Variants in PCNX2 observed in about 807,000 individuals in gnomAD.
PCNX2 encodes pecanex-like protein 2.
A neutral mutation model predicts 223.8 loss-of-function variants in PCNX2; 168 were observed. That is an observed-to-expected ratio of 0.75 (90% CI 0.66 to 0.85). The LOEUF is 0.85. Among genes scored for constraint, PCNX2 ranks in the 40% least tolerant of loss-of-function variants. PCNX2 has a pLI of 0.00. For missense variants in PCNX2, 2,507 were observed against 2,675.5 expected, an observed-to-expected ratio of 0.94 and a Z score of 1.39; for synonymous variants, 1,006 against 1,052.6, an observed-to-expected ratio of 0.96 and a Z score of 0.86.
chr1:233,057,578 C>A (rs1271355805), intron 23 of PCNX2: 2 of 320,588 alleles, frequency 6.2e-6, no homozygotes, highest in East Asian at 6.0e-5. Flanking sequence ...AAAATCAAAG[C>A]AAGTATTTAG....
intron 21 of PCNX2, among the ~76,000 whole-genome samples, chr1:233,102,342 G>C (rs973523626): frequency 2.0e-5 from 3 of 152,062 alleles, no homozygotes; most frequent in African/African-American, 7.2e-5. Context: ...CATAAACATG[G>C]GGGCACAGAT....
At chr1:233,022,695 CTTTTT>C (rs372153367) in intron 26 of PCNX2, among the ~76,000 whole-genome samples, 19,374 of 128,708 alleles carry the variant, frequency 0.15, 1,437 homozygotes, top group African/African-American at 0.2. Context: ...CTTTTTCTTT[CTTTTT>C]TTTTTTTTTT....
At chr1:233,006,559 C>A (rs1239659909) in intron 28 of PCNX2, among the ~76,000 whole-genome samples, 2 of 152,140 alleles carry the variant, frequency 1.3e-5, no homozygotes, top group Non-Finnish European at 1.5e-5. Context: ...GACAGAGTAG[C>A]AGTGGAGGAG....
chr1:233,155,911 T>C (rs1678092687), intron 19 of PCNX2, among the ~76,000 whole-genome samples: 1 of 152,186 alleles, frequency 6.6e-6, no homozygotes, highest in Admixed American at 6.5e-5. Flanking sequence ...GCTAGAATAA[T>C]ATGCAGTTGC....
intron 23 of PCNX2, among the ~76,000 whole-genome samples, chr1:233,061,960 T>C (rs952093321): frequency 1.3e-5 from 2 of 152,126 alleles, no homozygotes; most frequent in Non-Finnish European, 2.9e-5. Context: ...GGTTTCACCA[T>C]GTTGGCCAGG....
At chr1:233,207,425 T>G (rs531889902) in intron 13 of PCNX2, among the ~76,000 whole-genome samples, 1 of 152,246 alleles carries the variant, frequency 6.6e-6, no homozygotes, top group Admixed American at 6.5e-5. Flanking sequence ...AGCTGGTCAA[T>G]GTGATCACAG....
intron 3 of PCNX2, 81 bp downstream of exon 3, chr1:233,261,961 CACT>C: frequency 6.4e-7 from 1 of 1,564,408 alleles, no homozygotes; most frequent in South Asian, 1.1e-5. Context: ...AAGCTACAAT[CACT>C]GCTGCTGAAC....
intron 23 of PCNX2, among the ~76,000 whole-genome samples, chr1:233,073,060 TA>T (rs1210715751): frequency 5.9e-5 from 9 of 152,232 alleles, no homozygotes; most frequent in African/African-American, 2.2e-4. Flanking sequence ...TAATTCTTTT[TA>T]TTATACTTGT....
intron 1 of PCNX2, among the ~76,000 whole-genome samples, chr1:233,272,545 G>A (rs1660694980): frequency 6.6e-6 from 1 of 152,174 alleles, no homozygotes; most frequent in Non-Finnish European, 1.5e-5. Flanking sequence ...ACTGCTGGTG[G>A]GAATGTGAAC....
At chr1:233,287,432 A>T (rs1379476120) in intron 1 of PCNX2, among the ~76,000 whole-genome samples, 1 of 152,156 alleles carries the variant, frequency 6.6e-6, no homozygotes, top group African/African-American at 2.4e-5. Context: ...GAGGTAATTG[A>T]GCCATGAGGC....
chr1:233,087,355 T>C (rs967432418), intron 23 of PCNX2, among the ~76,000 whole-genome samples: 1 of 152,168 alleles, frequency 6.6e-6, no homozygotes, highest in African/African-American at 2.4e-5. Context: ...GTGGTAAATG[T>C]GCTCACTAAA....
At chr1:233,151,208 C>T (rs530975386) in intron 19 of PCNX2, among the ~76,000 whole-genome samples, 1 of 152,162 alleles carries the variant, frequency 6.6e-6, no homozygotes, top group Admixed American at 6.5e-5. Flanking sequence ...CTTAAAAACA[C>T]CATTTCTATT....
At chr1:233,125,852 A>T (rs74230953) in intron 21 of PCNX2, 2,555 of 152,342 alleles carry the variant, frequency 0.017, 30 homozygotes, top group East Asian at 0.044. Flanking sequence ...GAGAAATAAA[A>T]ACAGATCTTC....
At chr1:233,291,043 G>C (rs560382153) in intron 1 of PCNX2, 3 of 985,392 alleles carry the variant, frequency 3.0e-6, no homozygotes, top group East Asian at 1.1e-4. Context: ...TTCCACTGCA[G>C]GTGGCTCCAC....
intron 1 of PCNX2, among the ~76,000 whole-genome samples, chr1:233,283,894 C>A (rs1661315585): frequency 6.6e-6 from 1 of 152,064 alleles, no homozygotes. Flanking sequence ...ACTCACTAAA[C>A]ACAAAGGGGA....
chr1:233,308,230 G>T, the PCNX2 span, among the ~76,000 whole-genome samples: 1 of 152,196 alleles, frequency 6.6e-6, no homozygotes, highest in Non-Finnish European at 1.5e-5. Flanking sequence ...GCCGAGACGG[G>T]CAGATCATTT....
intron 10 of PCNX2, among the ~76,000 whole-genome samples, chr1:233,221,904 G>A (rs1365069649): frequency 6.6e-6 from 1 of 152,176 alleles, no homozygotes; most frequent in Non-Finnish European, 1.5e-5. Context: ...AAGGAAAATT[G>A]GTTTCTTCCT....
chr1:233,292,416 C>T (rs543655873), intron 1 of PCNX2, among the ~76,000 whole-genome samples: 4 of 152,008 alleles, frequency 2.6e-5, no homozygotes, highest in African/African-American at 9.7e-5. Flanking sequence ...ACTATGTTAG[C>T]CAAGCTGGTC....
chr1:233,301,962 T>A, the PCNX2 span, among the ~76,000 whole-genome samples: 1 of 139,744 alleles, frequency 7.2e-6, no homozygotes, highest in South Asian at 2.3e-4. Flanking sequence ...CGGCTAATTT[T>A]TATATATTTT....
Sources: allele counts gnomAD v4.1 joint callset (sites outside exome capture counted in the v4.1 genomes callset), GRCh38; gene constraint gnomAD v4.1.1; transcripts MANE v1.5; gene names NCBI Gene and HGNC (gene_info 2026-07-23, HGNC 2026-07-21).